The following GLIS1 variants were observed in gnomAD, a reference collection of about 807,000 sequenced individuals.
GLIS1 encodes the protein zinc finger protein GLIS1.
A neutral mutation model predicts 63.8 loss-of-function variants in GLIS1; 24 were observed. The observed-to-expected ratio is 0.38, with a 90% confidence interval of 0.27 to 0.53. The LOEUF (loss-of-function observed/expected upper bound fraction) is 0.53, where lower values mean the gene tolerates loss of function less well. Among genes scored for constraint, GLIS1 ranks in the 20% least tolerant of loss-of-function variants. GLIS1 has a pLI of 0.85. For synonymous variants in GLIS1, 450 were observed against 482.5 expected (o/e 0.93, Z 0.88); for missense variants, 1,036 against 1,074.1 (o/e 0.96, Z 0.50).
At chr1:53,644,864 A>G (rs1645826263) in intron 2 of GLIS1, among the ~76,000 whole-genome samples, 1 of 152,206 alleles carries the variant, frequency 6.6e-6, no homozygotes, top group Admixed American at 6.5e-5. Flanking sequence ...GACAGATTCC[A>G]CTGGTATAAA....
At chr1:53,519,300 G>T (rs936042387) in intron 7 of GLIS1, among the ~76,000 whole-genome samples, 1 of 152,206 alleles carries the variant, frequency 6.6e-6, no homozygotes, top group African/African-American at 2.4e-5. Flanking sequence ...TTGTGGACCT[G>T]CCTGAGCACA....
At chr1:53,701,491 G>A (rs1482714279) in intron 2 of GLIS1, among the ~76,000 whole-genome samples, 3 of 152,170 alleles carry the variant, frequency 2.0e-5, no homozygotes, top group Non-Finnish European at 2.9e-5. Flanking sequence ...TGCTCATGGC[G>A]TGCCAGGTAC....
intron 8 of GLIS1, among the ~76,000 whole-genome samples, chr1:53,514,368 T>A (rs1166097662): frequency 1.3e-5 from 2 of 151,846 alleles, no homozygotes; most frequent in Non-Finnish European, 2.9e-5. Flanking sequence ...TTTCCCAGGG[T>A]CCTCCAGTGG....
chr1:53,715,581 G>A (rs1646689712), intron 2 of GLIS1, among the ~76,000 whole-genome samples: 1 of 152,146 alleles, frequency 6.6e-6, no homozygotes, highest in Non-Finnish European at 1.5e-5. Context: ...GGTGGCGGCT[G>A]GGAGACCAAT....
rs947379899 is a variant in GLIS1 at position 53,511,439 on chromosome 1, C to T, written c.1884-1412G>A. On this transcript the variant is annotated intron_variant, in intron 8 of 10. Coordinates refer to ENST00000628545, the MANE Select transcript of GLIS1 (RefSeq NM_001367484.1). The surrounding 1 kb of genome is among the most constrained non-coding windows in gnomAD (Gnocchi z 4.2). ...CCAAGTTCCTCTCTGCTCCCTCCAACGTTGGCAGCCCCTCCACTGCCCCTC... is the reference window on the plus strand; with the variant it reads ...CCAAGTTCCTCTCTGCTCCCTCCAATGTTGGCAGCCCCTCCACTGCCCCTC... Among the ~76,000 whole-genome samples, 4 of 152,202 alleles carry T rather than the reference C, an allele frequency of 2.6e-5. No homozygotes were observed. The highest frequency in any genetic ancestry group is 4.4e-5 in the Non-Finnish European group (3 of 68,034).
intron 4 of GLIS1, among the ~76,000 whole-genome samples, chr1:53,535,090 G>A (rs1443043958): frequency 2.0e-5 from 3 of 152,110 alleles, no homozygotes; most frequent in Non-Finnish European, 2.9e-5. Flanking sequence ...ATTGAGCAGA[G>A]AAGGAAGGGA....
chr1:53,584,352 C>T (rs1645113586), intron 4 of GLIS1, among the ~76,000 whole-genome samples: 1 of 152,190 alleles, frequency 6.6e-6, no homozygotes, highest in African/African-American at 2.4e-5. Context: ...CCCACAAGGT[C>T]AAGACTATCA....
At chr1:53,524,641 G>C in intron 6 of GLIS1, 136 bp downstream of exon 6, 1 of 664,702 alleles carries the variant, frequency 1.5e-6, no homozygotes, top group Non-Finnish European at 2.7e-6. Context: ...ACGGACGAAC[G>C]GACGAACGGA....
At position 53,692,651 on chromosome 1, in the gene GLIS1, T is replaced by G. The variant is rs563567100; in HGVS notation, c.259+45155A>C. Reference sequence around the variant, plus strand: ...AGCTGGGGGAGGGATACTGAGGGTGTGGGCTCTAGCCTGAGTGGAAGTGGG... The same window carrying G: ...AGCTGGGGGAGGGATACTGAGGGTGGGGGCTCTAGCCTGAGTGGAAGTGGG... On this transcript the variant is annotated intron_variant, in intron 2 of 10. Transcript: ENST00000628545. Among the ~76,000 whole-genome samples the G allele has an allele frequency of 3.3e-5, 5 of 152,224 alleles. No homozygotes were observed. In the South Asian group the frequency reaches 1.0e-3, roughly 32 times the overall value.
At chr1:53,696,720 T>C (rs1646468860) in intron 2 of GLIS1, among the ~76,000 whole-genome samples, 1 of 152,168 alleles carries the variant, frequency 6.6e-6, no homozygotes, top group South Asian at 2.1e-4. Context: ...ACGTGCTGTC[T>C]GCTTTCCCAC....
chr1:53,578,820 T>C (rs1645057063), intron 4 of GLIS1, among the ~76,000 whole-genome samples: 1 of 152,212 alleles, frequency 6.6e-6, no homozygotes, highest in South Asian at 2.1e-4. Context: ...AAATCAACTG[T>C]AACAGAAGGG....
intron 2 of GLIS1, among the ~76,000 whole-genome samples, chr1:53,710,383 A>G (rs1187037533): frequency 6.6e-6 from 1 of 152,240 alleles, no homozygotes; most frequent in Non-Finnish European, 1.5e-5. Context: ...ATCCTCTCGC[A>G]TGCTTTATCT....
intron 4 of GLIS1, among the ~76,000 whole-genome samples, chr1:53,541,109 C>T (rs1349622275): frequency 6.6e-6 from 1 of 152,016 alleles, no homozygotes; most frequent in Non-Finnish European, 1.5e-5. Flanking sequence ...GCCACAGTGA[C>T]CTGAGAGAGT....
chr1:53,737,361 C>T (rs1289833397), intron 2 of GLIS1, among the ~76,000 whole-genome samples: 1 of 152,192 alleles, frequency 6.6e-6, no homozygotes, highest in Non-Finnish European at 1.5e-5. Flanking sequence ...CCTCACTTGA[C>T]AGATGGGGAA....
chr1:53,530,401 C>T (rs1047747572), intron 4 of GLIS1, among the ~76,000 whole-genome samples: 31 of 152,146 alleles, frequency 2.0e-4, no homozygotes, highest in African/African-American at 6.5e-4. Flanking sequence ...GACCCCTCTG[C>T]GCCTTGTTTC....
intron 2 of GLIS1, among the ~76,000 whole-genome samples, chr1:53,717,092 T>C (rs528795535): frequency 6.6e-6 from 1 of 152,340 alleles, no homozygotes; most frequent in South Asian, 2.1e-4. Context: ...AATTGAATTC[T>C]CTCTTCAAAA....
At chr1:53,672,713 T>C (rs115260871) in intron 2 of GLIS1, among the ~76,000 whole-genome samples, 1,637 of 152,338 alleles carry the variant, frequency 0.011, 26 homozygotes, top group African/African-American at 0.037. Flanking sequence ...CTCTGATGCT[T>C]TGTTTGACAA....
At chr1:53,704,967 T>A (rs1646562442) in intron 2 of GLIS1, among the ~76,000 whole-genome samples, 2 of 152,112 alleles carry the variant, frequency 1.3e-5, no homozygotes, top group Admixed American at 6.5e-5. Context: ...ATTTTGCAGA[T>A]GAGTAAAGTG....
At chr1:53,594,001 A>G in intron 4 of GLIS1, 107 bp downstream of exon 4, 1 of 1,318,362 alleles carries the variant, frequency 7.6e-7, no homozygotes, top group Non-Finnish European at 1.0e-6. Flanking sequence ...CAGGGATCTC[A>G]GCCAGCCCAG....
Sources: gnomAD v4.1 joint callset for allele counts (sites outside exome capture counted in the v4.1 genomes callset) on GRCh38, gnomAD v4.1.1 for gene constraint, Gnocchi (gnomAD v3.1) non-coding constraint, MANE v1.5 for transcripts, NCBI Gene and HGNC (gene_info 2026-07-23, HGNC 2026-07-21) for gene names.